AFAP1L2: variants seen among roughly 807,000 people sequenced by gnomAD.
The protein encoded by AFAP1L2 is actin filament associated protein 1 like 2.
Under a neutral mutation model 99.3 loss-of-function variants are expected in AFAP1L2, and 46 were observed. The ratio of observed to expected loss-of-function variants is 0.46; its 90% CI spans 0.37 to 0.59. The LOEUF (loss-of-function observed/expected upper bound fraction) is 0.59, where lower values mean the gene tolerates loss of function less well. Ranked by LOEUF, AFAP1L2 falls within the 20% of genes least tolerant of loss-of-function variation. AFAP1L2 has a pLI of 0.00. For synonymous variants in AFAP1L2, 397 were observed against 419.1 expected (o/e 0.95, Z 0.64); for missense variants, 959 against 1,034.9 (o/e 0.93, Z 1.01).
At chr10:114,379,992 C>T (rs1408514256) in intron 1 of AFAP1L2, among the ~76,000 whole-genome samples, 2 of 152,152 alleles carry the variant, frequency 1.3e-5, no homozygotes, top group Admixed American at 6.5e-5. Context: ...GCGGCAGGGG[C>T]GGGGGAATCC....
At chr10:114,320,613 A>G (rs2045059993) in intron 5 of AFAP1L2, among the ~76,000 whole-genome samples, 1 of 151,850 alleles carries the variant, frequency 6.6e-6, no homozygotes, top group African/African-American at 2.4e-5. Context: ...TTCCTGACCC[A>G]CTCCACACAG....
intron 16 of AFAP1L2, among the ~76,000 whole-genome samples, chr10:114,298,266 T>C (rs921364604): frequency 2.0e-5 from 3 of 152,036 alleles, no homozygotes; most frequent in Non-Finnish European, 2.9e-5. Context: ...TAATCCCAGC[T>C]ACTCAGGAGG....
intron 4 of AFAP1L2, among the ~76,000 whole-genome samples, chr10:114,327,147 T>TATATA (rs2046408453): frequency 5.5e-5 from 3 of 54,570 alleles, no homozygotes; most frequent in South Asian, 1.3e-3. Context: ...TTATATATAT[T>TATATA]TATATATATA....
intron 1 of AFAP1L2, among the ~76,000 whole-genome samples, chr10:114,389,625 GA>G (rs1339181683): frequency 6.6e-6 from 1 of 152,162 alleles, no homozygotes; most frequent in Non-Finnish European, 1.5e-5. Context: ...GGAGGTGACT[GA>G]AAAAATACAC....
intron 4 of AFAP1L2, among the ~76,000 whole-genome samples, 197 bp downstream of exon 4, chr10:114,331,606 G>A (rs539782266): frequency 6.6e-5 from 10 of 152,262 alleles, no homozygotes; most frequent in Admixed American, 1.3e-4. Flanking sequence ...CTCAGCATCC[G>A]GAGTACTGTG....
intron 1 of AFAP1L2, among the ~76,000 whole-genome samples, chr10:114,356,191 T>C (rs2051352038): frequency 6.6e-6 from 1 of 152,200 alleles, no homozygotes; most frequent in Non-Finnish European, 1.5e-5. Context: ...ACATGGTGCA[T>C]ATTCCCCCAG....
At chr10:114,288,796 A>G in the AFAP1L2 span, 1 of 784,814 alleles carries the variant, frequency 1.3e-6, no homozygotes, top group Non-Finnish European at 2.0e-6. Context: ...TGTGGCTAAA[A>G]GGAAGACATA....
In AFAP1L2 at chr10:114,300,472, T is replaced by C; in HGVS notation, c.1761A>G (p.Ile587Met). ...GTTCTCCCAGGTTCTCTGGACACTT[T>C]ATGCAGGGCTCATCTGGGGTGGGAC... is the stretch of plus-strand genomic sequence containing the variant. ...GPGPTPDEPC[I>M]KCPENLGEQQ... The change falls in exon 14 of 19, where the codon ATA (isoleucine) becomes ATG (methionine). Residue 587 changes from isoleucine to methionine, a missense_variant. Ile to Met is a conservative substitution (Grantham distance 10). This residue lies in a region of AFAP1L2 where 576 missense variants were observed against 562.1 expected (regional missense o/e 1.02). Coordinates refer to ENST00000304129, the MANE Select transcript of AFAP1L2 (RefSeq NM_001001936.3). 1 of 1,613,544 alleles carries C rather than the reference T, an allele frequency of 6.2e-7. No homozygotes were observed.
the AFAP1L2 span, chr10:114,288,862 C>G: frequency 1.3e-6 from 2 of 1,513,694 alleles, no homozygotes; most frequent in South Asian, 1.3e-5. Flanking sequence ...CCTACCCAAC[C>G]TGGCAGTCCC....
At chr10:114,404,531 C>T (rs1329892307), upstream of AFAP1L2, 50 of 1,474,650 alleles carry the variant, frequency 3.4e-5, no homozygotes, top group Admixed American at 4.6e-5. Context: ...GCCCAGGCCG[C>T]CGCGCTGGCC....
In AFAP1L2 at chr10:114,321,652, A is replaced by C. The variant is rs185890624; in HGVS notation, c.406+1519T>G. ...TGATTTATGCTTTGAAAGCCCTTTCACCTACAAAGGAAGGAAAGAGAAGGA... is the reference window on the plus strand; with the variant it reads ...TGATTTATGCTTTGAAAGCCCTTTCCCCTACAAAGGAAGGAAAGAGAAGGA... On this transcript the variant is annotated intron_variant, in intron 5 of 18. Transcript: ENST00000304129. 9.4e-3 allele frequency among the ~76,000 whole-genome samples: 1,435 copies of C among 152,242 alleles called. 18 individuals carry two copies. The highest frequency in any genetic ancestry group is 0.032 in the African/African-American group (1,341 of 41,532).
chr10:114,358,049 C>T (rs11196712), intron 1 of AFAP1L2, among the ~76,000 whole-genome samples: 7 of 152,228 alleles, frequency 4.6e-5, no homozygotes, highest in East Asian at 3.9e-4. Context: ...CAGTGTGGTT[C>T]GGGAGTTGCT....
At chr10:114,305,035 G>C in intron 10 of AFAP1L2, 105 bp from the exon 11 acceptor site, 1 of 798,362 alleles carries the variant, frequency 1.3e-6, no homozygotes, top group Non-Finnish European at 1.9e-6. Context: ...AGGAGGGGGC[G>C]GGGCTGCGGG....
intron 12 of AFAP1L2, 50 bp from the exon 13 acceptor site, chr10:114,301,515 G>A (rs557293427): frequency 6.1e-5 from 82 of 1,351,562 alleles, no homozygotes; most frequent in Admixed American, 1.5e-4. Flanking sequence ...GCAGGGTGGT[G>A]AAAGCACCAG....
At chr10:114,334,038 G>T (rs147071382) in intron 2 of AFAP1L2, among the ~76,000 whole-genome samples, 1 of 152,190 alleles carries the variant, frequency 6.6e-6, no homozygotes, top group Non-Finnish European at 1.5e-5. Flanking sequence ...TAGGTAGGGG[G>T]CCATTGGATG....
intron 16 of AFAP1L2, among the ~76,000 whole-genome samples, chr10:114,297,892 A>G (rs2040513683): frequency 6.6e-6 from 1 of 152,160 alleles, no homozygotes; most frequent in Non-Finnish European, 1.5e-5. Context: ...ACACCGTGAA[A>G]TGATGCCTAG....
the AFAP1L2 span, chr10:114,286,331 C>G: frequency 6.2e-7 from 1 of 1,612,942 alleles, no homozygotes; most frequent in Non-Finnish European, 8.5e-7. Context: ...GGTTGCGGGC[C>G]CAGCGCGTCA....
At chr10:114,336,922 T>G (rs962491240) in intron 2 of AFAP1L2, among the ~76,000 whole-genome samples, 2 of 152,210 alleles carry the variant, frequency 1.3e-5, no homozygotes, top group African/African-American at 2.4e-5. Context: ...ATTCCCTTTG[T>G]GAAGTGTAAA....
chr10:114,341,518 C>A (rs2048823548), intron 1 of AFAP1L2, among the ~76,000 whole-genome samples: 1 of 151,424 alleles, frequency 6.6e-6, no homozygotes, highest in Non-Finnish European at 1.5e-5. Context: ...GAGGCTGAGG[C>A]AGGAGAATCG....
Sources: gnomAD v4.1 joint callset for allele counts (sites outside exome capture counted in the v4.1 genomes callset) on GRCh38, gnomAD v4.1.1 for gene constraint, gnomAD v4.1.1 regional missense constraint, MANE v1.5 for transcripts, NCBI Gene and HGNC (gene_info 2026-07-23, HGNC 2026-07-21) for gene names.